SLC35F4: variants seen among roughly 807,000 people sequenced by gnomAD.
The protein encoded by SLC35F4 is solute carrier family 35 member F4, also known as chromosome 14 open reading frame 36.
In SLC35F4, 24 loss-of-function variants were observed where a neutral mutation model predicts 44.2. The ratio of observed to expected loss-of-function variants is 0.54; its 90% confidence interval spans 0.39 to 0.76. The LOEUF is 0.76. Ranked by LOEUF, SLC35F4 falls within the 30% of genes least tolerant of loss-of-function variation. The probability of loss-of-function intolerance (pLI) is 0.00; values close to 1 mark genes in which losing one functional copy is unlikely to be tolerated. For missense variants in SLC35F4, 562 were observed against 586.1 expected (o/e 0.96, Z 0.42); for synonymous variants, 238 against 223.6 (o/e 1.06, Z -0.57).
At chr14:57,915,396 C>T (rs1201553731) in intron 1 of SLC35F4, among the ~76,000 whole-genome samples, 1 of 152,120 alleles carries the variant, frequency 6.6e-6, no homozygotes, top group Admixed American at 6.5e-5. Flanking sequence ...TTAATTTTCC[C>T]TCCTAAGCAT....
chr14:57,647,109 G>A (rs539293310), intron 1 of SLC35F4, among the ~76,000 whole-genome samples: 7 of 152,094 alleles, frequency 4.6e-5, no homozygotes, highest in Non-Finnish European at 1.0e-4. Context: ...TTGACTTGGG[G>A]TGGAGAGTTC....
intron 1 of SLC35F4, among the ~76,000 whole-genome samples, chr14:57,648,107 A>G (rs1185935172): frequency 6.6e-6 from 1 of 152,182 alleles, no homozygotes; most frequent in East Asian, 1.9e-4. Context: ...TTCTAGCACG[A>G]TTTCTTTAAA....
chr14:57,894,145 T>C (rs2141040953), intron 1 of SLC35F4, among the ~76,000 whole-genome samples: 1 of 152,210 alleles, frequency 6.6e-6, no homozygotes, highest in Admixed American at 6.5e-5. Flanking sequence ...ATATAAATTA[T>C]AAAAACCCTA....
At chr14:57,671,942 G>T (rs1214857183) in intron 1 of SLC35F4, among the ~76,000 whole-genome samples, 1 of 151,954 alleles carries the variant, frequency 6.6e-6, no homozygotes, top group Non-Finnish European at 1.5e-5. Context: ...CCCCTTTCCA[G>T]TCTGGCTTCC....
chr14:57,818,541 G>C (rs905669789), intron 1 of SLC35F4, among the ~76,000 whole-genome samples: 1 of 152,190 alleles, frequency 6.6e-6, no homozygotes, highest in Admixed American at 6.5e-5. Context: ...AGAAAGAAGA[G>C]TGTCTGTACA....
intron 1 of SLC35F4, among the ~76,000 whole-genome samples, chr14:57,845,290 T>G (rs916947108): frequency 9.9e-5 from 15 of 152,232 alleles, no homozygotes; most frequent in Admixed American, 6.5e-5. Context: ...CTGGTAGCTA[T>G]GCCCTTGGGC....
At chr14:57,923,294 C>A (rs1022241101) in intron 1 of SLC35F4, among the ~76,000 whole-genome samples, 1 of 152,166 alleles carries the variant, frequency 6.6e-6, no homozygotes, top group Non-Finnish European at 1.5e-5. Flanking sequence ...ATGTAAATGG[C>A]AGTTTCAAAA....
At chr14:57,914,326 G>A (rs1292219344) in intron 1 of SLC35F4, among the ~76,000 whole-genome samples, 1 of 152,166 alleles carries the variant, frequency 6.6e-6, no homozygotes, top group East Asian at 1.9e-4. Flanking sequence ...CACTTTGGGA[G>A]GCTGAGGTGG....
intron 1 of SLC35F4, among the ~76,000 whole-genome samples, chr14:57,888,703 T>C (rs1386504607): frequency 1.3e-5 from 2 of 152,202 alleles, no homozygotes; most frequent in Non-Finnish European, 2.9e-5. Context: ...TTGTTTCAAA[T>C]TGGAAAAAGA....
intron 1 of SLC35F4, among the ~76,000 whole-genome samples, chr14:57,736,483 G>A (rs2076467141): frequency 6.6e-6 from 1 of 152,216 alleles, no homozygotes; most frequent in South Asian, 2.1e-4. Flanking sequence ...GGATAGCACA[G>A]TGGTCATTAG....
chr14:57,668,619 T>TTG (rs762978015), intron 1 of SLC35F4, among the ~76,000 whole-genome samples: 1 of 152,106 alleles, frequency 6.6e-6, no homozygotes, highest in Non-Finnish European at 1.5e-5. Context: ...TTTGTCAGGG[T>TTG]TGTCAAAGAT....
intron 1 of SLC35F4, among the ~76,000 whole-genome samples, chr14:57,607,950 G>A (rs1469881162): frequency 6.6e-6 from 1 of 152,166 alleles, no homozygotes; most frequent in Non-Finnish European, 1.5e-5. Context: ...TTCTGTCGTG[G>A]ACAACTGAAT....
chr14:57,731,459 T>G (rs1218279164), intron 1 of SLC35F4, among the ~76,000 whole-genome samples: 1 of 152,216 alleles, frequency 6.6e-6, no homozygotes, highest in Non-Finnish European at 1.5e-5. Flanking sequence ...CCCTTTCCAC[T>G]GTGGAAGCTA....
At chr14:57,718,440 G>T (rs1026355916) in intron 1 of SLC35F4, among the ~76,000 whole-genome samples, 2 of 152,178 alleles carry the variant, frequency 1.3e-5, no homozygotes, top group African/African-American at 4.8e-5. Flanking sequence ...TGTAGTGGTT[G>T]TACCAATTTA....
intron 1 of SLC35F4, among the ~76,000 whole-genome samples, chr14:57,603,735 C>T (rs1246101923): frequency 1.3e-5 from 2 of 152,166 alleles, no homozygotes; most frequent in East Asian, 3.8e-4. Flanking sequence ...GTGACCCTCT[C>T]CTCCCAAAGC....
At position 57,581,238 on chromosome 14, in the gene SLC35F4, C is replaced by T. The variant is rs371078276; in HGVS notation, c.783G>A (p.Leu261=). 1.5e-4 allele frequency: 236 copies of T among 1,588,126 alleles called. 2 individuals are homozygous for T. The Middle Eastern group carries it at 3.4e-3, about 23-fold the overall frequency. Residue 261 remains leucine, a synonymous_variant, in exon 4 of 8, where the codon CTG becomes CTA. Transcript: ENST00000556826. Reference sequence around the variant, plus strand: ...CCCTCACTCCCATGAACCTGTCTTTCAGCACAATCCATGACAGCAAGAAGA... The same window carrying T: ...CCCTCACTCCCATGAACCTGTCTTTTAGCACAATCCATGACAGCAAGAAGA... ...AFVFLLSWIV[L]KDRFMGVRIV... is the part of the protein sequence containing the mutation.
At chr14:57,837,161 C>T (rs1332589537) in intron 1 of SLC35F4, among the ~76,000 whole-genome samples, 1 of 152,154 alleles carries the variant, frequency 6.6e-6, no homozygotes, top group Non-Finnish European at 1.5e-5. Context: ...ATAAATTTTT[C>T]ACTGTGTAAT....
rs1030631917 is a variant in SLC35F4, at chr14:57,874,836, G to T, written n.282+107077C>A. Reference sequence around the variant, plus strand: ...GTAGACAGAAGGAATGCCCATCAAGGGTTCTGTTAAATTTAAATCCAAGAC... The same window carrying T: ...GTAGACAGAAGGAATGCCCATCAAGTGTTCTGTTAAATTTAAATCCAAGAC... On this transcript the variant is annotated intron_variant and non_coding_transcript_variant, in intron 1 of 1. Transcript: ENST00000556568. Among the ~76,000 whole-genome samples the T allele has an allele frequency of 3.0e-4, 45 of 152,116 alleles. 1 individual carries two copies. Among genetic ancestry groups the T allele is most frequent in the Non-Finnish European group, 6.0e-4 (41 of 68,022 alleles).
At chr14:57,927,949 C>T (rs1889614406) in intron 1 of SLC35F4, among the ~76,000 whole-genome samples, 3 of 152,048 alleles carry the variant, frequency 2.0e-5, no homozygotes, top group Admixed American at 2.0e-4. Flanking sequence ...AAGATTTTCT[C>T]CTACTTTTTT....
Sources: allele counts gnomAD v4.1 joint callset (sites outside exome capture counted in the v4.1 genomes callset), GRCh38; gene constraint gnomAD v4.1.1; transcripts MANE v1.5; gene names NCBI Gene and HGNC (gene_info 2026-07-23, HGNC 2026-07-21).